The following PPIP5K2 variants were observed in gnomAD, a reference collection of about 807,000 sequenced individuals.
PPIP5K2 encodes diphosphoinositol pentakisphosphate kinase 2, also known as inositol hexakisphosphate and diphosphoinositol-pentakisphosphate kinase 2.
A neutral mutation model predicts 154.6 loss-of-function variants in PPIP5K2; 105 were observed. That is an observed-to-expected ratio of 0.68 (90% CI 0.58 to 0.80). The LOEUF is 0.80. Among genes scored for constraint, PPIP5K2 ranks in the 30% least tolerant of loss-of-function variants. The probability of loss-of-function intolerance (pLI) is 0.00; values close to 1 mark genes in which losing one functional copy is unlikely to be tolerated. For missense variants in PPIP5K2, 992 were observed against 1,504.6 expected, an observed-to-expected ratio of 0.66 and a Z score of 5.64; for synonymous variants, 480 against 490.3, an observed-to-expected ratio of 0.98 and a Z score of 0.28.
intron 11 of PPIP5K2, 88 bp from the exon 12 acceptor site, chr5:103,154,582 G>A: frequency 1.3e-6 from 1 of 797,466 alleles, no homozygotes; most frequent in Non-Finnish European, 1.9e-6. Context: ...TAGTCCCATA[G>A]CTTATCATTT....
At chr5:103,133,163 G>A (rs1790917213) in intron 2 of PPIP5K2, among the ~76,000 whole-genome samples, 2 of 152,142 alleles carry the variant, frequency 1.3e-5, no homozygotes, top group East Asian at 1.9e-4. Context: ...AATGCTAGAG[G>A]TAGTTAAAGA....
intron 17 of PPIP5K2, among the ~76,000 whole-genome samples, chr5:103,163,086 G>GTTTTT (rs35922283): frequency 2.2e-4 from 13 of 59,852 alleles, no homozygotes; most frequent in Non-Finnish European, 3.3e-4. Context: ...TTCTTCAAGT[G>GTTTTT]TTTTTTTTTT....
At chr5:103,182,489 G>A (rs1554223249) in intron 24 of PPIP5K2, among the ~76,000 whole-genome samples, 1 of 152,090 alleles carries the variant, frequency 6.6e-6, no homozygotes, top group Non-Finnish European at 1.5e-5. Flanking sequence ...GATATAAGAA[G>A]TTTGTACTTC....
At chr5:103,184,831 C>A in intron 26 of PPIP5K2, 87 bp downstream of exon 26, 4 of 953,238 alleles carry the variant, frequency 4.2e-6, no homozygotes, top group East Asian at 5.0e-5. Context: ...GAAAGCATGA[C>A]CAAATGCTAT....
At chr5:103,120,863 A>G (rs1017333021) in intron 1 of PPIP5K2, 2 of 173,752 alleles carry the variant, frequency 1.2e-5, no homozygotes, top group Non-Finnish European at 2.6e-5. Context: ...CTTTTTAAAA[A>G]ATTTTCTGCC....
chr5:103,166,992 A>C (rs1368790969), intron 17 of PPIP5K2, among the ~76,000 whole-genome samples, 187 bp from the exon 18 acceptor site: 15 of 151,502 alleles, frequency 9.9e-5, no homozygotes, highest in South Asian at 2.1e-4. Context: ...TTAGGGAAAA[A>C]CCCTGCATAT....
At chr5:103,156,018 C>T (rs782787762) in intron 14 of PPIP5K2, 24 bp downstream of exon 14, 13 of 1,458,114 alleles carry the variant, frequency 8.9e-6, no homozygotes, top group Admixed American at 3.4e-5. Context: ...AATGCTTATA[C>T]AGTAGTTTTA....
intron 4 of PPIP5K2, among the ~76,000 whole-genome samples, chr5:103,138,140 TTA>T (rs1791887240): frequency 6.6e-6 from 1 of 152,204 alleles, no homozygotes; most frequent in Admixed American, 6.5e-5. Context: ...GTTTTAATAA[TTA>T]GTTTCTCAAT....
intron 29 of PPIP5K2, among the ~76,000 whole-genome samples, chr5:103,191,603 A>G (rs1801245745): frequency 6.6e-6 from 1 of 152,120 alleles, no homozygotes; most frequent in Admixed American, 6.5e-5. Context: ...TTCTGTAAAG[A>G]AAGCTGTATA....
intron 5 of PPIP5K2, among the ~76,000 whole-genome samples, chr5:103,142,754 C>T (rs1027242088): frequency 1.4e-5 from 2 of 139,908 alleles, no homozygotes; most frequent in African/African-American, 5.5e-5. Context: ...CCAGCCTGGG[C>T]GAGTGAGCAA....
intron 26 of PPIP5K2, among the ~76,000 whole-genome samples, chr5:103,185,052 C>T (rs1451987267): frequency 6.6e-6 from 1 of 152,052 alleles, no homozygotes; most frequent in African/African-American, 2.4e-5. Flanking sequence ...TTCATTTTCC[C>T]AGTTGATAAA....
intron 8 of PPIP5K2, among the ~76,000 whole-genome samples, chr5:103,150,843 CTT>C (rs377739666): frequency 0.011 from 759 of 68,140 alleles, 8 homozygotes; most frequent in African/African-American, 0.035. Context: ...GTCCATCCTC[CTT>C]TTTTTTTTTT....
chr5:103,143,482 C>T (rs1204987669), intron 5 of PPIP5K2, among the ~76,000 whole-genome samples: 1 of 152,168 alleles, frequency 6.6e-6, no homozygotes, highest in Non-Finnish European at 1.5e-5. Context: ...GGCAGAAAAT[C>T]ACTTTGCCAC....
At chr5:103,176,882 A>T in intron 21 of PPIP5K2, 1 of 1,444,334 alleles carries the variant, frequency 6.9e-7, no homozygotes. Flanking sequence ...GATTCTCAGA[A>T]TGAAGATGGA....
chr5:103,131,841 G>A (rs896344527), intron 2 of PPIP5K2, among the ~76,000 whole-genome samples: 1 of 152,094 alleles, frequency 6.6e-6, no homozygotes, highest in Non-Finnish European at 1.5e-5. Context: ...GAAACTCTGC[G>A]ATTGTGCCTT....
In PPIP5K2 at chr5:103,155,982, A is replaced by G; in HGVS notation, c.1477A>G (p.Ser493Gly). The stretch of plus-strand genomic sequence containing the variant: ...CCCTCATGGTTGTCCTAAAACATCT[A>G]GTGAAGAGGAGGGTATGTTATTCTT... ...YLPHGCPKTS[S>G]EEEDSRREEP... Residue 493 changes from serine (S) to glycine (G), a missense_variant, in exon 14 of 31, where the codon AGT becomes GGT. Ser to Gly is a moderately conservative substitution (Grantham distance 56). Transcript: ENST00000358359. The G allele has an allele frequency of 6.3e-7, 1 of 1,580,198 alleles. No individual in the cohort carries two copies. Among genetic ancestry groups the G allele is most frequent in the Non-Finnish European group, 8.7e-7 (1 of 1,149,498 alleles).
chr5:103,126,089 T>G (rs1789624037), intron 1 of PPIP5K2, among the ~76,000 whole-genome samples: 3 of 152,212 alleles, frequency 2.0e-5, no homozygotes, highest in Non-Finnish European at 2.9e-5. Flanking sequence ...TTATACTTGA[T>G]GTTTCTTACC....
At chr5:103,173,024 C>T (rs1432096542) in intron 19 of PPIP5K2, 131 bp from the exon 20 acceptor site, 2 of 652,116 alleles carry the variant, frequency 3.1e-6, no homozygotes, top group Non-Finnish European at 4.8e-6. Context: ...AAAATGCAAA[C>T]TCGGAGTTAT....
chr5:103,133,786 T>C, intron 3 of PPIP5K2, 138 bp downstream of exon 3: 1 of 629,084 alleles, frequency 1.6e-6, no homozygotes. Context: ...AACATTGTGA[T>C]ATATTTCTTT....
Sources: allele counts gnomAD v4.1 joint callset (sites outside exome capture counted in the v4.1 genomes callset), GRCh38; gene constraint gnomAD v4.1.1; transcripts MANE v1.5; gene names NCBI Gene and HGNC (gene_info 2026-07-23, HGNC 2026-07-21).